Variants in TSPAN11 observed in about 807,000 individuals in gnomAD.
TSPAN11 encodes the protein tetraspanin 11.
A neutral mutation model predicts 32.9 loss-of-function variants in TSPAN11; 29 were observed. The observed-to-expected ratio is 0.88, with a 90% confidence interval of 0.66 to 1.20. The LOEUF is 1.20. TSPAN11 is among the 50% of genes most tolerant of loss of function. The probability of loss-of-function intolerance (pLI) is 0.00; values close to 1 mark genes in which losing one functional copy is unlikely to be tolerated. For synonymous variants in TSPAN11, 140 were observed against 141.3 expected, an observed-to-expected ratio of 0.99 and a Z score of 0.07; for missense variants, 283 against 329.1, an observed-to-expected ratio of 0.86 and a Z score of 1.08.
In TSPAN11 at chr12:30,935,017, C is replaced by T. The variant is rs527365291; in HGVS notation, c.-12+8221C>T. Among the ~76,000 whole-genome samples, 9 of 152,230 alleles carry T rather than the reference C, an allele frequency of 5.9e-5. No individual in the cohort carries two copies. The East Asian group carries it at 1.4e-3, about 23-fold the overall frequency. ...TGTCCCTTGCATCACTTTGGCAATT[C>T]CCCTTTCTTTGGTCATCATGGGAAG... On this transcript the variant is annotated intron_variant, in intron 1 of 7. Coordinates refer to ENST00000546076, the MANE Select transcript of TSPAN11 (RefSeq NM_001370302.1).
At chr12:30,938,968 C>A (rs969529572) in intron 1 of TSPAN11, among the ~76,000 whole-genome samples, 2 of 152,128 alleles carry the variant, frequency 1.3e-5, no homozygotes, top group Admixed American at 6.5e-5. Flanking sequence ...TGTGGTGGCT[C>A]ACTCCTATAA....
At chr12:30,968,667 C>T (rs1451368324) in intron 3 of TSPAN11, among the ~76,000 whole-genome samples, 2 of 152,080 alleles carry the variant, frequency 1.3e-5, no homozygotes, top group African/African-American at 2.4e-5. Flanking sequence ...TATTTTAAGC[C>T]AAATGAAGAT....
intron 1 of TSPAN11, among the ~76,000 whole-genome samples, chr12:30,931,126 C>G (rs1365971126): frequency 2.6e-5 from 4 of 152,156 alleles, no homozygotes. Context: ...CAGCCCTATC[C>G]TGGCTTAGGC....
In TSPAN11 at chr12:30,982,564, C is replaced by G; in HGVS notation, c.489C>G (p.Asp163Glu). The G allele has an allele frequency of 6.2e-7, 1 of 1,611,830 alleles. No homozygotes were observed. Among genetic ancestry groups the G allele is most frequent in the Non-Finnish European group, 8.5e-7 (1 of 1,178,670 alleles). The change falls in exon 6 of 8, where the codon GAC (aspartate) becomes GAG (glutamate). Residue 163 changes from aspartate to glutamate, a missense_variant. Asp to Glu is a conservative substitution (Grantham distance 45). Transcript: ENST00000546076. Reference protein sequence around the residue: ...FKCCGSNSSADWQHSTYILLR... With the variant: ...FKCCGSNSSAEWQHSTYILLR... ...GCTGTGGAAGCAACAGCTCAGCCGA[C>G]TGGCAGCACAGCACGTACATCCTGT...
intron 1 of TSPAN11, among the ~76,000 whole-genome samples, chr12:30,945,578 A>G (rs979281119): frequency 1.3e-5 from 2 of 151,536 alleles, no homozygotes; most frequent in African/African-American, 4.9e-5. Flanking sequence ...CCCTGGATGG[A>G]GCCTTGCCCT....
intron 7 of TSPAN11, among the ~76,000 whole-genome samples, chr12:30,987,612 A>T (rs1210515594): frequency 6.6e-6 from 1 of 152,144 alleles, no homozygotes; most frequent in African/African-American, 2.4e-5. Flanking sequence ...CAAAGAAAAA[A>T]AAAATACCCC....
chr12:30,999,137 C>A (rs1386687013), downstream of TSPAN11: 1 of 151,814 alleles, frequency 6.6e-6, no homozygotes, highest in Non-Finnish European at 1.5e-5. Context: ...TAGGGAGACC[C>A]CGCCTCTACA....
chr12:30,964,989 C>A (rs556480028), intron 3 of TSPAN11, among the ~76,000 whole-genome samples: 4 of 152,210 alleles, frequency 2.6e-5, no homozygotes, highest in Non-Finnish European at 5.9e-5. Flanking sequence ...CCACATGGGG[C>A]CTACCATGAG....
Position 30,963,944 on chromosome 12 carries a change from G to T in TSPAN11, c.203G>T (p.Gly68Val), listed in dbSNP as rs763197852. 6.2e-7 allele frequency: 1 copy of T among 1,614,072 alleles called. No individual in the cohort carries two copies. The highest frequency in any genetic ancestry group is 1.1e-5 in the South Asian group (1 of 91,082). ...AASAYILIFA[G>V]VLVMVTGFLG... The stretch of plus-strand genomic sequence containing the variant: ...TCCGCCTACATCCTCATCTTTGCGG[G>T]CGTACTTGTCATGGTGACCGGCTTC... The change falls in exon 3 of 8, where the codon GGC becomes GTC. Residue 68 changes from glycine to valine, a missense_variant. By Grantham distance (109) the Gly-to-Val change is moderately radical (BLOSUM62 -3). Coordinates refer to ENST00000546076, the MANE Select transcript of TSPAN11 (RefSeq NM_001370302.1).
At position 30,957,881 on chromosome 12, in the gene TSPAN11, T is replaced by C. The variant is rs190329893; in HGVS notation, c.84+3806T>C. Among the ~76,000 whole-genome samples, 398 of 84,704 alleles carry C rather than the reference T, an allele frequency of 4.7e-3. 3 individuals are homozygous for C. Among genetic ancestry groups the C allele is most frequent in the Non-Finnish European group, 7.3e-3 (279 of 38,212 alleles). 55.6% of individuals were successfully genotyped at this position (84,704 alleles called of 152,430 possible). On this transcript the variant is annotated intron_variant, in intron 2 of 7. Transcript: ENST00000546076. The stretch of plus-strand genomic sequence containing the variant: ...CTTCCTTCCCTCCCTCCCTCCCTCC[T>C]TCCTTCCTTCCTTCCTTACATGTGT...
chr12:30,961,961 A>G lies in TSPAN11; in HGVS notation c.85-1865A>G, dbSNP rs78359280. On this transcript the variant is annotated intron_variant, in intron 2 of 7. Transcript: ENST00000546076. ...GTCATGGAGGTTGTGTGAGCCGCAG[A>G]TAACCTATACCCACAGATAATTTTA... Among the ~76,000 whole-genome samples, 4,881 of 152,152 alleles carry G rather than the reference A, an allele frequency of 0.032. 447 individuals carry two copies. The East Asian group carries it at 0.33, about 10-fold the overall frequency.
chr12:30,938,362 C>T (rs2140273036), intron 1 of TSPAN11, among the ~76,000 whole-genome samples: 1 of 152,310 alleles, frequency 6.6e-6, no homozygotes, highest in Admixed American at 6.5e-5. Flanking sequence ...CCACTATATA[C>T]TGTGCTGCCA....
In TSPAN11 at chr12:30,963,928, A is replaced by T; in HGVS notation, c.187A>T (p.Ile63Phe). The T allele has an allele frequency of 2.5e-6, 4 of 1,613,906 alleles. No homozygotes were observed. The highest frequency in any genetic ancestry group is 2.5e-6 in the Non-Finnish European group (3 of 1,179,908). ...ASSTFAASAYILIFAGVLVMV... is the reference protein window; with the variant it reads ...ASSTFAASAYFLIFAGVLVMV... Reference sequence around the variant, plus strand: ...CAGCACCTTTGCCGCCTCCGCCTACATCCTCATCTTTGCGGGCGTACTTGT... The same window carrying T: ...CAGCACCTTTGCCGCCTCCGCCTACTTCCTCATCTTTGCGGGCGTACTTGT... Residue 63 changes from isoleucine to phenylalanine, a missense_variant, in exon 3 of 8, where the codon ATC becomes TTC. Physicochemically the swap from Ile to Phe is conservative, Grantham distance 21 (BLOSUM62 0). Coordinates refer to ENST00000546076, the MANE Select transcript of TSPAN11 (RefSeq NM_001370302.1).
rs145544349 is a variant in TSPAN11 at position 30,979,597 on chromosome 12, G to A, written c.383G>A (p.Arg128Gln). 4.3e-4 allele frequency: 701 copies of A among 1,614,158 alleles called. 4 individuals are homozygous for A. In the East Asian group the frequency reaches 0.012, roughly 27 times the overall value. ...LSDELKQHLN[R>Q]TLAENYGQPG... ...GATGAACTGAAGCAGCACTTGAACC[G>A]GACTCTGGCTGAGAACTACGGGCAG... The change falls in exon 5 of 8, where the codon CGG becomes CAG. Residue 128 changes from arginine to glutamine, a missense_variant. Physicochemically the swap from Arg to Gln is conservative, Grantham distance 43. Coordinates refer to ENST00000546076, the MANE Select transcript of TSPAN11 (RefSeq NM_001370302.1).
chr12:30,929,828 T>A (rs1937881017), intron 1 of TSPAN11, among the ~76,000 whole-genome samples: 1 of 152,226 alleles, frequency 6.6e-6, no homozygotes, highest in Admixed American at 6.5e-5. Context: ...AATAGTCTCT[T>A]GTGCTGCCTT....
At chr12:31,010,786 ACC>A in the TSPAN11 span, among the ~76,000 whole-genome samples, 1 of 151,974 alleles carries the variant, frequency 6.6e-6, no homozygotes, top group Non-Finnish European at 1.5e-5. Context: ...GCAGAGTGAG[ACC>A]CTGTCTCAAA....
intron 1 of TSPAN11, among the ~76,000 whole-genome samples, chr12:30,931,498 T>TAA (rs60427043): frequency 0.72 from 108,903 of 151,766 alleles, 39,801 homozygotes; most frequent in East Asian, 0.91. Context: ...TGAAATGCGG[T>TAA]AGAGATTTCT....
Position 30,979,619 on chromosome 12 carries a change from G to A in TSPAN11, c.405G>A (p.Gly135=), listed in dbSNP as rs1348401079. 3 of 1,614,166 alleles carry A rather than the reference G, an allele frequency of 1.9e-6. No individual in the cohort carries two copies. Among genetic ancestry groups the A allele is most frequent in the Admixed American group, 3.3e-5 (2 of 60,028 alleles). The change falls in exon 5 of 8, where the codon GGG becomes GGA. Residue 135 remains glycine, a synonymous_variant. Coordinates refer to ENST00000546076, the MANE Select transcript of TSPAN11 (RefSeq NM_001370302.1). ...HLNRTLAENY[G]QPGATQITAS... is the part of the protein sequence containing the mutation. ...ACCGGACTCTGGCTGAGAACTACGG[G>A]CAGCCCGGAGCCACGCAGATCACCG...
intron 7 of TSPAN11, among the ~76,000 whole-genome samples, chr12:30,990,144 G>A (rs915523946): frequency 1.4e-4 from 21 of 152,066 alleles, no homozygotes; most frequent in African/African-American, 4.8e-4. Context: ...TCACGTGTGT[G>A]TGTGTGTGCA....
Sources: allele counts gnomAD v4.1 joint callset (sites outside exome capture counted in the v4.1 genomes callset), GRCh38; gene constraint gnomAD v4.1.1; transcripts MANE v1.5; gene names NCBI Gene and HGNC (gene_info 2026-07-23, HGNC 2026-07-21).